The following SH3BP2 variants were observed in gnomAD, a reference collection of about 807,000 sequenced individuals.
SH3BP2 encodes SH3 domain binding protein 2.
A neutral mutation model predicts 56.2 loss-of-function variants in SH3BP2; 38 were observed. The observed-to-expected ratio is 0.68, with a 90% CI of 0.52 to 0.89. The LOEUF (loss-of-function observed/expected upper bound fraction) is 0.89. Among genes scored for constraint, SH3BP2 ranks in the 40% least tolerant of loss-of-function variants. SH3BP2 has a pLI of 0.00. For synonymous variants in SH3BP2, 346 were observed against 316.7 expected (o/e 1.09, Z -0.98); for missense variants, 748 against 762.6 (o/e 0.98, Z 0.23).
rs115443380 is a variant in SH3BP2 at position 2,833,876 on chromosome 4, C to T, written c.*42C>T. On this transcript the variant is annotated 3_prime_UTR_variant, in exon 13 of 13. Transcript: ENST00000503393. ...TGCCAGGCCAAGGCAGTCACAGGGGCCCTGACCCCAGGCCACACAGACGGA... is the reference window on the plus strand; with the variant it reads ...TGCCAGGCCAAGGCAGTCACAGGGGTCCTGACCCCAGGCCACACAGACGGA... 8,860 of 1,531,066 alleles carry T rather than the reference C, an allele frequency of 5.8e-3. 447 individuals carry two copies. The African/African-American group carries it at 0.11, about 18-fold the overall frequency. The allele number at this position is 1,531,066 out of a possible 1,614,324, so 94.8% of individuals were successfully genotyped here.
chr4:2,811,624 G>A (rs943648982), intron 1 of SH3BP2, among the ~76,000 whole-genome samples: 4 of 152,200 alleles, frequency 2.6e-5, no homozygotes, highest in Admixed American at 6.5e-5. Context: ...CGGTGAGTAC[G>A]GGAGCGTGCT....
chr4:2,799,806 G>T (rs955076589), intron 1 of SH3BP2, among the ~76,000 whole-genome samples: 5 of 152,208 alleles, frequency 3.3e-5, no homozygotes, highest in African/African-American at 1.2e-4. Flanking sequence ...CCCCGGGGGG[G>T]CCTCCTTGAG....
At chr4:2,815,896 G>C (rs1560102070) in intron 1 of SH3BP2, among the ~76,000 whole-genome samples, 1 of 152,186 alleles carries the variant, frequency 6.6e-6, no homozygotes, top group Non-Finnish European at 1.5e-5. Context: ...CCCCAAGGGA[G>C]GGACACAGGA....
intron 1 of SH3BP2, among the ~76,000 whole-genome samples, chr4:2,801,113 C>A (rs1479580800): frequency 7.9e-5 from 12 of 152,158 alleles, no homozygotes; most frequent in Admixed American, 7.9e-4. Flanking sequence ...GTCTTGACCG[C>A]GGAGGACCGG....
At chr4:2,807,057 T>A (rs1365758645) in intron 1 of SH3BP2, among the ~76,000 whole-genome samples, 16 of 152,240 alleles carry the variant, frequency 1.1e-4, no homozygotes, top group Non-Finnish European at 1.3e-4. Context: ...GTGAAGCCCC[T>A]GGGGCCTCTG....
Position 2,822,108 on chromosome 4 carries a change from T to C in SH3BP2, c.137-827T>C, listed in dbSNP as rs185182544. Among the ~76,000 whole-genome samples the C allele has an allele frequency of 4.5e-4, 68 of 152,228 alleles. 1 individual carries two copies. The highest frequency in any genetic ancestry group is 2.6e-3 in the Admixed American group (40 of 15,294). On this transcript the variant is annotated intron_variant, in intron 2 of 12. Transcript: ENST00000503393. ...GTCTCGAACTCCTGACTTCAAGTGA[T>C]CCTGTCTTGGCCTCCTAAAGTTCTG...
chr4:2,812,670 C>T (rs1220745051), intron 1 of SH3BP2, among the ~76,000 whole-genome samples: 1 of 152,314 alleles, frequency 6.6e-6, no homozygotes, highest in African/African-American at 2.4e-5. Context: ...CTTGAGAGGC[C>T]CCCGAGCTGG....
At chr4:2,827,343 G>C (rs1236183790) in intron 6 of SH3BP2, 25 bp downstream of exon 6, 1 of 1,599,946 alleles carries the variant, frequency 6.3e-7, no homozygotes, top group Non-Finnish European at 8.6e-7. Flanking sequence ...CGCATCCACT[G>C]CCCGTTTGCC....
rs1577377753 is a variant in SH3BP2, at chr4:2,838,148, A to G, written c.*4314A>G. ...CCTGCAGAATAAAACAACATACAGA[A>G]AAGTGAATAAAACATAAATGCACAA... On this transcript the variant is annotated 3_prime_UTR_variant, in exon 13 of 13. Coordinates refer to ENST00000503393, the MANE Select transcript of SH3BP2 (RefSeq NM_001122681.2). 6.6e-6 allele frequency: 1 copy of G among 152,226 alleles called. No homozygotes were observed. The highest frequency in any genetic ancestry group is 1.9e-4 in the East Asian group (1 of 5,202). 9.4% of individuals were successfully genotyped at this position (152,226 alleles called of 1,614,324 possible).
At chr4:2,833,256 A>G in intron 12 of SH3BP2, 1 of 635,288 alleles carries the variant, frequency 1.6e-6, no homozygotes, top group Non-Finnish European at 2.8e-6. Context: ...TCCTCCACTG[A>G]CCCTAGTGGG....
At chr4:2,825,788 C>T (rs1223803283) in intron 5 of SH3BP2, among the ~76,000 whole-genome samples, 2 of 152,238 alleles carry the variant, frequency 1.3e-5, no homozygotes, top group Non-Finnish European at 2.9e-5. Flanking sequence ...CAGCCCCCTA[C>T]GCCCACCCTG....
intron 1 of SH3BP2, chr4:2,812,151 T>G: frequency 7.1e-7 from 1 of 1,414,406 alleles, no homozygotes; most frequent in Non-Finnish European, 9.2e-7. Flanking sequence ...GGATGGTGGA[T>G]GAGGGGCAGC....
At chr4:2,815,827 G>A (rs1577350207) in intron 1 of SH3BP2, among the ~76,000 whole-genome samples, 1 of 152,302 alleles carries the variant, frequency 6.6e-6, no homozygotes, top group South Asian at 2.1e-4. Flanking sequence ...AGCTGGTGAG[G>A]ATGGGAGACA....
intron 8 of SH3BP2, among the ~76,000 whole-genome samples, chr4:2,830,695 C>T (rs1256209514): frequency 6.6e-6 from 1 of 152,204 alleles, no homozygotes; most frequent in African/African-American, 2.4e-5. Context: ...TGGGAAGTGC[C>T]AGGAGACCAG....
At chr4:2,823,143 T>C in intron 3 of SH3BP2, 106 bp downstream of exon 3, 1 of 844,444 alleles carries the variant, frequency 1.2e-6, no homozygotes, top group Non-Finnish European at 2.0e-6. Flanking sequence ...AGGAAAGTGC[T>C]TTCCCGAAGC....
intron 1 of SH3BP2, among the ~76,000 whole-genome samples, chr4:2,800,803 C>A (rs1309900645): frequency 1.3e-5 from 2 of 152,154 alleles, no homozygotes; most frequent in Non-Finnish European, 2.9e-5. Context: ...CTTGGGGTGA[C>A]CTGGCCGGGG....
At chr4:2,794,783 C>G (rs1163629999) in intron 1 of SH3BP2, among the ~76,000 whole-genome samples, 1 of 152,230 alleles carries the variant, frequency 6.6e-6, no homozygotes, top group Non-Finnish European at 1.5e-5. Context: ...TTGGCCCTTT[C>G]TGCCCACATG....
At chr4:2,818,281 G>A in intron 1 of SH3BP2, 1 of 1,031,960 alleles carries the variant, frequency 9.7e-7, no homozygotes, top group Non-Finnish European at 1.2e-6. Context: ...GGGCGCCCGG[G>A]ACGAGGCGGC....
rs577277406 is a variant in SH3BP2, at chr4:2,835,894, G to C, written c.*2060G>C. 2.6e-5 allele frequency: 4 copies of C among 152,384 alleles called. No homozygotes were observed. Among genetic ancestry groups the C allele is most frequent in the African/African-American group, 9.6e-5 (4 of 41,568 alleles). 9.4% of individuals were successfully genotyped at this position (152,384 alleles called of 1,614,324 possible). A position where few individuals can be genotyped will look rare whatever the true frequency, so the allele number is the denominator to read the frequency against. On this transcript the variant is annotated 3_prime_UTR_variant, in exon 13 of 13. Coordinates refer to ENST00000503393, the MANE Select transcript of SH3BP2 (RefSeq NM_001122681.2). ...GCCCACCTTGGCCTCCCAAAGTGCT[G>C]GGATTACAGGCATGAGCCACTGTGC... is the stretch of plus-strand genomic sequence containing the variant.
Sources: gnomAD v4.1 joint callset for allele counts (sites outside exome capture counted in the v4.1 genomes callset) on GRCh38, gnomAD v4.1.1 for gene constraint, MANE v1.5 for transcripts, NCBI Gene and HGNC (gene_info 2026-07-23, HGNC 2026-07-21) for gene names.